The following SETBP1 variants were observed in gnomAD, a reference collection of about 807,000 sequenced individuals.
SETBP1 encodes SET-binding protein.
In SETBP1, 9 loss-of-function variants were observed where a neutral mutation model predicts 101.0. The ratio of observed to expected loss-of-function variants is 0.09; its 90% CI spans 0.05 to 0.16. SETBP1 has a LOEUF of 0.16. Among genes scored for constraint, SETBP1 ranks in the 10% least tolerant of loss-of-function variants. SETBP1 has a pLI of 1.00. For missense variants in SETBP1, 1,858 were observed against 2,033.8 expected (o/e 0.91, Z 1.66); for synonymous variants, 818 against 788.5 (o/e 1.04, Z -0.63).
intron 4 of SETBP1, among the ~76,000 whole-genome samples, chr18:45,024,943 A>T (rs1233615449): frequency 6.6e-6 from 1 of 152,258 alleles, no homozygotes; most frequent in Non-Finnish European, 1.5e-5. Context: ...TCTCATTTAC[A>T]TAATGGATGA....
chr18:44,952,816 A>AGGAAGACCG lies in SETBP1; in HGVS notation c.3478_3486dup (p.Glu1160_Arg1162dup), dbSNP rs2071391961. The AGGAAGACCG allele has an allele frequency of 1.2e-6, 2 of 1,614,134 alleles. No homozygotes were observed. Among genetic ancestry groups the AGGAAGACCG allele is most frequent in the Non-Finnish European group, 1.7e-6 (2 of 1,180,028 alleles). ...AAACACAAACACAAGCATAAGCACA[A>AGGAAGACCG]GGAAGACCGGATCCTAGGGACCCAT... is the stretch of plus-strand genomic sequence containing the variant. On this transcript the variant is annotated inframe_insertion, in exon 4 of 6. Coordinates refer to ENST00000649279, the MANE Select transcript of SETBP1 (RefSeq NM_015559.3).
In SETBP1 at chr18:44,813,251, G is replaced by T. The variant is rs556537731; in HGVS notation, c.487-55979G>T. Among the ~76,000 whole-genome samples, 9 of 152,308 alleles carry T rather than the reference G, an allele frequency of 5.9e-5. No homozygotes were observed. The South Asian group carries it at 1.9e-3, about 32-fold the overall frequency. On this transcript the variant is annotated intron_variant, in intron 2 of 5. Transcript: ENST00000649279. ...TGAAATGGAGGCATTACCTTTGGAA[G>T]ATACCCTATGGTGATGGCTCCTCCC...
chr18:44,711,830 G>C (rs1052767023), intron 2 of SETBP1, among the ~76,000 whole-genome samples: 2 of 151,830 alleles, frequency 1.3e-5, no homozygotes, highest in Non-Finnish European at 1.5e-5. Context: ...CACCGGCCTG[G>C]GCTGACTACA....
intron 4 of SETBP1, among the ~76,000 whole-genome samples, chr18:44,970,814 G>C (rs756604810): frequency 2.4e-4 from 36 of 151,508 alleles, no homozygotes; most frequent in Admixed American, 5.3e-4. Context: ...GCCTCCCAAA[G>C]TGCTGGGATT....
In SETBP1 at chr18:44,701,797, A is replaced by G. The variant is rs2069119940; in HGVS notation, c.451A>G (p.Thr151Ala). ...VSRAGKNSKA[T>A]KEEERSHSKK... ...CCGTGCTGGAAAAAATAGCAAAGCC[A>G]CGAAGGAGGAAGAAAGAAGCCACTC... The change falls in exon 2 of 6, where the codon ACG becomes GCG. Residue 151 changes from threonine (T) to alanine (A), a missense_variant. By Grantham distance (58) the Thr-to-Ala change is moderately conservative. Transcript: ENST00000649279. 1 of 1,613,838 alleles carries G rather than the reference A, an allele frequency of 6.2e-7. No homozygotes were observed. Among genetic ancestry groups the G allele is most frequent in the East Asian group, 2.2e-5 (1 of 44,886 alleles).
chr18:44,898,421 A>G (rs889085188), intron 3 of SETBP1, among the ~76,000 whole-genome samples: 1 of 152,216 alleles, frequency 6.6e-6, no homozygotes, highest in Non-Finnish European at 1.5e-5. Context: ...TCTGTCTCCA[A>G]CTTCTAATTT....
At chr18:44,885,403 A>G (rs190470436) in intron 3 of SETBP1, among the ~76,000 whole-genome samples, 170 of 152,300 alleles carry the variant, frequency 1.1e-3, no homozygotes, top group Non-Finnish European at 1.8e-3. Context: ...TTAATAGGCC[A>G]TAGAATCCTT....
intron 4 of SETBP1, among the ~76,000 whole-genome samples, chr18:44,982,037 A>G (rs1166933378): frequency 6.6e-6 from 1 of 152,220 alleles, no homozygotes; most frequent in Non-Finnish European, 1.5e-5. Context: ...AAAACACCCC[A>G]TAAAGCGAAA....
At chr18:44,854,247 T>G (rs899042373) in intron 2 of SETBP1, among the ~76,000 whole-genome samples, 1 of 151,886 alleles carries the variant, frequency 6.6e-6, no homozygotes, top group Non-Finnish European at 1.5e-5. Context: ...GAGGGGGAAA[T>G]GAATCTTCAG....
At chr18:44,699,940 C>A (rs2144185095) in intron 1 of SETBP1, among the ~76,000 whole-genome samples, 1 of 152,216 alleles carries the variant, frequency 6.6e-6, no homozygotes, top group South Asian at 2.1e-4. Flanking sequence ...TTGGTGGGCA[C>A]ATTTGCCAGC....
intron 4 of SETBP1, among the ~76,000 whole-genome samples, chr18:45,015,706 C>T (rs898284041): frequency 6.6e-6 from 1 of 152,150 alleles, no homozygotes; most frequent in African/African-American, 2.4e-5. Flanking sequence ...CCAACAAGCA[C>T]ATGTGTGATA....
chr18:44,736,304 G>A (rs1237283705), intron 2 of SETBP1, among the ~76,000 whole-genome samples: 1 of 152,156 alleles, frequency 6.6e-6, no homozygotes, highest in Non-Finnish European at 1.5e-5. Flanking sequence ...ATTTGAGCCT[G>A]GGAGGTCGAG....
chr18:44,999,549 A>G (rs1169024107), intron 4 of SETBP1, among the ~76,000 whole-genome samples: 1 of 152,210 alleles, frequency 6.6e-6, no homozygotes, highest in Non-Finnish European at 1.5e-5. Context: ...TGTCACTGGC[A>G]TAGATCATGA....
intron 2 of SETBP1, among the ~76,000 whole-genome samples, chr18:44,707,678 A>G (rs1036446613): frequency 5.9e-5 from 9 of 152,226 alleles, no homozygotes; most frequent in African/African-American, 2.2e-4. Flanking sequence ...GAGCAAACAC[A>G]CAAAGTATGG....
chr18:45,051,294 C>G (rs1015802133), intron 5 of SETBP1, among the ~76,000 whole-genome samples: 8 of 151,792 alleles, frequency 5.3e-5, no homozygotes, highest in African/African-American at 1.9e-4. Flanking sequence ...TGTTTGCCGT[C>G]TTGAGTCTGT....
intron 2 of SETBP1, among the ~76,000 whole-genome samples, chr18:44,854,890 C>G (rs2072941390): frequency 6.6e-6 from 1 of 152,200 alleles, no homozygotes; most frequent in Non-Finnish European, 1.5e-5. Flanking sequence ...GCTGTCACCT[C>G]CTACCACTGC....
intron 3 of SETBP1, chr18:44,876,649 C>T (rs973981251): frequency 1.3e-5 from 20 of 1,551,428 alleles, no homozygotes; most frequent in Admixed American, 3.9e-5. Context: ...GTCCCAGGAA[C>T]GTGCCATGTG....
chr18:44,847,667 C>G (rs2072751545), intron 2 of SETBP1, among the ~76,000 whole-genome samples: 1 of 152,170 alleles, frequency 6.6e-6, no homozygotes, highest in Non-Finnish European at 1.5e-5. Flanking sequence ...CAAGACAAGT[C>G]CCTGTACTTC....
intron 2 of SETBP1, among the ~76,000 whole-genome samples, chr18:44,764,241 A>C (rs2070718142): frequency 6.6e-6 from 1 of 152,096 alleles, no homozygotes. Flanking sequence ...AATCTGTCTC[A>C]AGCACTTGGC....
Sources: allele counts gnomAD v4.1 joint callset (sites outside exome capture counted in the v4.1 genomes callset), GRCh38; gene constraint gnomAD v4.1.1; transcripts MANE v1.5; gene names NCBI Gene and HGNC (gene_info 2026-07-23, HGNC 2026-07-21).